DLG2: variants seen among roughly 807,000 people sequenced by gnomAD.
DLG2 encodes the protein disks large homolog 2.
In DLG2, 45 loss-of-function variants were observed where a neutral mutation model predicts 132.5. That is an observed-to-expected ratio of 0.34 (90% CI 0.27 to 0.44). DLG2 has a LOEUF of 0.44. DLG2 is among the 20% of genes least tolerant of loss of function. The probability of loss-of-function intolerance (pLI) is 1.00; values close to 1 mark genes in which losing one functional copy is unlikely to be tolerated. For missense variants in DLG2, 1,045 were observed against 1,196.9 expected, an observed-to-expected ratio of 0.87 and a Z score of 1.87; for synonymous variants, 424 against 419.6, an observed-to-expected ratio of 1.01 and a Z score of -0.13.
chr11:83,975,918 G>A (rs547625321), intron 12 of DLG2, among the ~76,000 whole-genome samples: 3 of 151,892 alleles, frequency 2.0e-5, no homozygotes, highest in East Asian at 1.9e-4. Flanking sequence ...AATAGTTTTC[G>A]GGAGGTATTA....
intron 6 of DLG2, among the ~76,000 whole-genome samples, chr11:84,611,771 T>C (rs994974381): frequency 3.9e-5 from 6 of 152,078 alleles, no homozygotes; most frequent in Non-Finnish European, 7.4e-5. Flanking sequence ...CAAAGAGAAA[T>C]CAAAGACTAT....
At chr11:84,533,579 A>C (rs2099347877) in intron 7 of DLG2, among the ~76,000 whole-genome samples, 1 of 152,222 alleles carries the variant, frequency 6.6e-6, no homozygotes, top group South Asian at 2.1e-4. Flanking sequence ...ATGTTCCAAA[A>C]TTTGAAACGT....
Position 84,216,360 on chromosome 11 carries a change from CT to C in DLG2, c.573+34877del. Among the ~76,000 whole-genome samples, 2 of 152,168 alleles carry C rather than the reference CT, an allele frequency of 1.3e-5. 1 individual carries two copies. Among genetic ancestry groups the C allele is most frequent in the African/African-American group, 4.8e-5 (2 of 41,520 alleles). On this transcript the variant is annotated intron_variant, in intron 8 of 27. Transcript: ENST00000376104. The stretch of plus-strand genomic sequence containing the variant: ...AACCATAATTATGTCTGCAAATTCC[CT>C]TTGACTGCATTATGTAATATAACCA...
intron 21 of DLG2, among the ~76,000 whole-genome samples, chr11:83,495,095 T>TA (rs2094078456): frequency 6.6e-6 from 1 of 152,122 alleles, no homozygotes. Flanking sequence ...GGGTTCAAGC[T>TA]AAAAAATCTC....
chr11:83,958,551 C>T (rs534931004), intron 14 of DLG2, among the ~76,000 whole-genome samples: 1 of 152,232 alleles, frequency 6.6e-6, no homozygotes, highest in African/African-American at 2.4e-5. Context: ...TTATCACATT[C>T]ATAACTTGGG....
intron 8 of DLG2, among the ~76,000 whole-genome samples, chr11:84,222,212 A>G (rs1201290999): frequency 6.6e-6 from 1 of 151,982 alleles, no homozygotes; most frequent in African/African-American, 2.4e-5. Flanking sequence ...TTTTGTATTT[A>G]GTAGAGATGG....
chr11:84,078,713 A>G (rs1470932391), intron 10 of DLG2, among the ~76,000 whole-genome samples: 2 of 152,176 alleles, frequency 1.3e-5, no homozygotes, highest in Non-Finnish European at 2.9e-5. Flanking sequence ...GCTCTAACCT[A>G]CATTAAAAGT....
At chr11:83,766,637 C>G (rs1050650820) in intron 18 of DLG2, among the ~76,000 whole-genome samples, 1 of 152,192 alleles carries the variant, frequency 6.6e-6, no homozygotes, top group African/African-American at 2.4e-5. Context: ...TGTGGGAATG[C>G]TTCTGAGTCA....
intron 3 of DLG2, among the ~76,000 whole-genome samples, chr11:85,540,138 T>C (rs2075865215): frequency 6.6e-6 from 1 of 152,014 alleles, no homozygotes; most frequent in Non-Finnish European, 1.5e-5. Context: ...AAATGCTGGG[T>C]AGAGAAGGCC....
intron 7 of DLG2, among the ~76,000 whole-genome samples, chr11:84,529,429 A>C (rs971393515): frequency 6.6e-6 from 1 of 152,200 alleles, no homozygotes; most frequent in African/African-American, 2.4e-5. Context: ...ATGATCTGAT[A>C]AACAACTTCA....
intron 6 of DLG2, among the ~76,000 whole-genome samples, chr11:85,056,668 G>T (rs1593343297): frequency 6.6e-6 from 1 of 151,830 alleles, no homozygotes; most frequent in Non-Finnish European, 1.5e-5. Flanking sequence ...ATCCCAAGTA[G>T]GGAAAGTACA....
At chr11:84,708,333 A>G (rs2059992749) in intron 6 of DLG2, among the ~76,000 whole-genome samples, 1 of 151,894 alleles carries the variant, frequency 6.6e-6, no homozygotes. Flanking sequence ...CAAGATTGAG[A>G]ATACTTTCTA....
At chr11:84,615,603 C>T (rs963166585) in intron 6 of DLG2, among the ~76,000 whole-genome samples, 5 of 151,892 alleles carry the variant, frequency 3.3e-5, no homozygotes, top group East Asian at 3.9e-4. Context: ...GCTGTCATTA[C>T]AGCATATACT....
chr11:83,965,198 T>A (rs1237126034), intron 13 of DLG2, 126 bp downstream of exon 13: 1 of 1,043,602 alleles, frequency 9.6e-7, no homozygotes, highest in Non-Finnish European at 1.4e-6. Flanking sequence ...TTTAGGATAC[T>A]CCCTCTGAAG....
intron 10 of DLG2, among the ~76,000 whole-genome samples, chr11:84,093,414 C>T (rs921427003): frequency 6.6e-6 from 1 of 152,170 alleles, no homozygotes; most frequent in Non-Finnish European, 1.5e-5. Context: ...GTGTCAAGTA[C>T]ATCACACATC....
At chr11:85,366,408 A>G (rs1405142244) in intron 3 of DLG2, among the ~76,000 whole-genome samples, 1 of 152,154 alleles carries the variant, frequency 6.6e-6, no homozygotes, top group African/African-American at 2.4e-5. Context: ...CTAGAGGATT[A>G]TCAAGCCAGA....
At chr11:84,842,026 C>A (rs971624457) in intron 6 of DLG2, among the ~76,000 whole-genome samples, 3 of 151,952 alleles carry the variant, frequency 2.0e-5, no homozygotes, top group Non-Finnish European at 2.9e-5. Flanking sequence ...ACCTTTATGG[C>A]TATTTTTACT....
intron 3 of DLG2, among the ~76,000 whole-genome samples, chr11:85,437,085 G>C (rs747000843): frequency 2.0e-5 from 3 of 152,154 alleles, no homozygotes; most frequent in Non-Finnish European, 2.9e-5. Context: ...TCACTCATAA[G>C]TGGGAGTTGA....
intron 3 of DLG2, among the ~76,000 whole-genome samples, chr11:85,547,927 G>A (rs759432702): frequency 6.6e-6 from 1 of 152,054 alleles, no homozygotes; most frequent in Non-Finnish European, 1.5e-5. Flanking sequence ...CATTGGGTTA[G>A]AACATGCTCC....
Sources: allele counts gnomAD v4.1 joint callset (sites outside exome capture counted in the v4.1 genomes callset), GRCh38; gene constraint gnomAD v4.1.1; transcripts MANE v1.5; gene names NCBI Gene and HGNC (gene_info 2026-07-23, HGNC 2026-07-21).